ZNF512: variants seen among roughly 807,000 people sequenced by gnomAD.
ZNF512 encodes zinc finger protein 512.
ZNF512 carries 25 observed loss-of-function variants against 77.5 expected under a neutral mutation model. The observed-to-expected ratio is 0.32, with a 90% CI of 0.23 to 0.45. The LOEUF is 0.45. Ranked by LOEUF, ZNF512 falls within the 20% of genes least tolerant of loss-of-function variation. The pLI, the probability that ZNF512 is intolerant of heterozygous loss-of-function variation, is 1.00. For synonymous variants in ZNF512, 246 were observed against 239.9 expected (o/e 1.03, Z -0.24); for missense variants, 483 against 692.6 (o/e 0.70, Z 3.40).
At chr2:27,595,247 GT>G (rs750773312) in intron 2 of ZNF512, among the ~76,000 whole-genome samples, 11 of 150,668 alleles carry the variant, frequency 7.3e-5, no homozygotes, top group Admixed American at 7.2e-4. Flanking sequence ...TTTGTTGAAT[GT>G]TTTTCAATCT....
intron 2 of ZNF512, among the ~76,000 whole-genome samples, chr2:27,586,199 T>C (rs1671316072): frequency 6.8e-6 from 1 of 147,240 alleles, no homozygotes; most frequent in Non-Finnish European, 1.5e-5. Context: ...AATGGCCTGT[T>C]GGTACCATCA....
chr2:27,621,039 T>G, intron 13 of ZNF512, 114 bp from the exon 14 acceptor site: 1 of 1,183,028 alleles, frequency 8.5e-7, no homozygotes, highest in Non-Finnish European at 1.2e-6. Flanking sequence ...CCATATCTGT[T>G]TCCTTCTTAC....
At chr2:27,592,715 G>A (rs1453124035) in intron 2 of ZNF512, among the ~76,000 whole-genome samples, 9 of 93,962 alleles carry the variant, frequency 9.6e-5, no homozygotes, top group East Asian at 9.3e-4. Flanking sequence ...ACAGAGTTTC[G>A]CTCTTGTTGC....
Position 27,599,586 on chromosome 2 carries a change from C to T in ZNF512, c.281C>T (p.Ser94Leu). ...KPAATSHVEG[S>L]GGVSAKGKRK... ...TTGTTTTTGTATGGTACTTCAGGGT[C>T]AGGTGGAGTATCAGCCAAGGGGAAA... Residue 94 changes from serine to leucine, a missense_variant, in exon 4 of 14, where the codon TCA becomes TTA. Ser to Leu is a moderately radical substitution (Grantham distance 145). Coordinates refer to ENST00000355467, the MANE Select transcript of ZNF512 (RefSeq NM_032434.4). 6.2e-7 allele frequency: 1 copy of T among 1,613,588 alleles called. No homozygotes were observed. Among genetic ancestry groups the T allele is most frequent in the Non-Finnish European group, 8.5e-7 (1 of 1,179,598 alleles).
chr2:27,589,549 C>A (rs140149399), intron 2 of ZNF512, among the ~76,000 whole-genome samples: 5 of 151,922 alleles, frequency 3.3e-5, no homozygotes, highest in Non-Finnish European at 7.4e-5. Context: ...ACCACATTTC[C>A]CCTATTGTCT....
intron 2 of ZNF512, among the ~76,000 whole-genome samples, chr2:27,594,222 C>T (rs1329691165): frequency 4.1e-4 from 59 of 143,302 alleles, no homozygotes; most frequent in Middle Eastern, 4.6e-3. Flanking sequence ...CCGGACAGGG[C>T]GGCCGGGCAG....
intron 2 of ZNF512, among the ~76,000 whole-genome samples, chr2:27,592,310 T>C (rs955199618): frequency 6.6e-6 from 1 of 151,532 alleles, no homozygotes; most frequent in African/African-American, 2.4e-5. Flanking sequence ...TATTTATTTA[T>C]TTATTTTTAT....
In ZNF512 at chr2:27,588,262, C is replaced by T. The variant is rs6728465; in HGVS notation, c.89+4546C>T. Among the ~76,000 whole-genome samples, 1,495 of 151,930 alleles carry T rather than the reference C, an allele frequency of 9.8e-3. 26 individuals are homozygous for T. Among genetic ancestry groups the T allele is most frequent in the African/African-American group, 0.033 (1,379 of 41,468 alleles). On this transcript the variant is annotated intron_variant, in intron 2 of 13. Coordinates refer to ENST00000355467, the MANE Select transcript of ZNF512 (RefSeq NM_032434.4). ...AAGAAACCTTTGCCTCCCTGGAGGTCGTAGCGAGTCAAGGTGGTGCCACTG... is the reference window on the plus strand; with the variant it reads ...AAGAAACCTTTGCCTCCCTGGAGGTTGTAGCGAGTCAAGGTGGTGCCACTG...
intron 9 of ZNF512, among the ~76,000 whole-genome samples, chr2:27,604,303 C>T (rs1672262330): frequency 6.6e-6 from 1 of 152,172 alleles, no homozygotes; most frequent in East Asian, 1.9e-4. Flanking sequence ...GCTGGTTCCT[C>T]TCATTTTTTT....
chr2:27,608,061 A>C, intron 10 of ZNF512, 22 bp downstream of exon 10: 4 of 1,534,502 alleles, frequency 2.6e-6, no homozygotes, highest in Non-Finnish European at 3.5e-6. Flanking sequence ...ACATGTATCA[A>C]TTTGGGAACC....
intron 10 of ZNF512, among the ~76,000 whole-genome samples, chr2:27,613,648 A>G (rs1210324549): frequency 6.6e-6 from 1 of 152,112 alleles, no homozygotes; most frequent in Non-Finnish European, 1.5e-5. Context: ...GGTCTTCTGT[A>G]TAGATGGGTT....
rs775859561 is a variant in ZNF512 at position 27,607,825 on chromosome 2, G to T, written c.937-20G>T. 8.7e-6 allele frequency: 14 copies of T among 1,613,342 alleles called. 1 individual carries two copies. In the South Asian group the frequency reaches 1.1e-4, roughly 13 times the overall value. On this transcript the variant is annotated intron_variant, in intron 9 of 13. Transcript: ENST00000355467. Reference sequence around the variant, plus strand: ...ATGCCACTTATCAGGCCTGTGTTTTGCTGTGTCTCATTCTTGCAGATATCC... The same window carrying T: ...ATGCCACTTATCAGGCCTGTGTTTTTCTGTGTCTCATTCTTGCAGATATCC...
intron 2 of ZNF512, among the ~76,000 whole-genome samples, chr2:27,597,224 G>A (rs934495388): frequency 6.6e-6 from 1 of 152,176 alleles, no homozygotes; most frequent in Non-Finnish European, 1.5e-5. Flanking sequence ...GCCAATTCAA[G>A]TTAACTTTTT....
At chr2:27,584,607 G>T (rs1475479751) in intron 2 of ZNF512, among the ~76,000 whole-genome samples, 3 of 152,206 alleles carry the variant, frequency 2.0e-5, no homozygotes, top group African/African-American at 4.8e-5. Flanking sequence ...ATTTAATTTA[G>T]CCTTTGAGGA....
At chr2:27,589,765 A>G (rs1310022955) in intron 2 of ZNF512, among the ~76,000 whole-genome samples, 3 of 152,174 alleles carry the variant, frequency 2.0e-5, no homozygotes, top group African/African-American at 4.8e-5. Flanking sequence ...TTTTCAGTGC[A>G]AAATATTTTC....
In ZNF512 at chr2:27,586,849, G is replaced by A. The variant is rs574444010; in HGVS notation, c.89+3133G>A. Among the ~76,000 whole-genome samples the A allele has an allele frequency of 2.0e-5, 3 of 152,210 alleles. No individual in the cohort carries two copies. In the South Asian group the frequency reaches 6.2e-4, roughly 32 times the overall value. ...TTATATAAATGAAGTCACACAGTAT[G>A]TTCTCATTTTTTTCATGATTTCTTT... On this transcript the variant is annotated intron_variant, in intron 2 of 13. Coordinates refer to ENST00000355467, the MANE Select transcript of ZNF512 (RefSeq NM_032434.4).
intron 2 of ZNF512, among the ~76,000 whole-genome samples, chr2:27,590,392 G>A (rs1671521314): frequency 1.3e-5 from 2 of 152,062 alleles, no homozygotes; most frequent in Non-Finnish European, 2.9e-5. Flanking sequence ...TTTGCTGATT[G>A]TATGATACAA....
At chr2:27,607,103 A>C (rs1672401764) in intron 9 of ZNF512, among the ~76,000 whole-genome samples, 1 of 152,034 alleles carries the variant, frequency 6.6e-6, no homozygotes, top group South Asian at 2.1e-4. Flanking sequence ...CTTTTATCAC[A>C]TTTACAAAAT....
In ZNF512 at chr2:27,592,667, CTTTTTTTTTTTT is replaced by C. The variant is rs139890307; in HGVS notation, c.90-5381_90-5370del. On this transcript the variant is annotated intron_variant, in intron 2 of 13. Coordinates refer to ENST00000355467, the MANE Select transcript of ZNF512 (RefSeq NM_032434.4). ...TACCCATATAATTTACCATGTTTAC[CTTTTTTTTTTTT>C]TTTTTTTTTTTTTTTTTTGTTTGAG... Among the ~76,000 whole-genome samples, 28 of 81,566 alleles carry C rather than the reference CTTTTTTTTTTTT, an allele frequency of 3.4e-4. 1 individual carries two copies. Among genetic ancestry groups the C allele is most frequent in the Admixed American group, 7.0e-4 (4 of 5,704 alleles). The allele number at this position is 81,566 out of a possible 152,430, so 53.5% of individuals were successfully genotyped here. A position where few individuals can be genotyped will look rare whatever the true frequency, so the allele number is the denominator to read the frequency against.
Sources: gnomAD v4.1 joint callset for allele counts (sites outside exome capture counted in the v4.1 genomes callset) on GRCh38, gnomAD v4.1.1 for gene constraint, MANE v1.5 for transcripts, NCBI Gene and HGNC (gene_info 2026-07-23, HGNC 2026-07-21) for gene names.